Variants in PLPP5 observed in about 807,000 individuals in gnomAD.
The protein encoded by PLPP5 is diacylglycerol pyrophosphate like 1.
A neutral mutation model predicts 23.6 loss-of-function variants in PLPP5; 29 were observed. The ratio of observed to expected loss-of-function variants is 1.23; its 90% CI spans 0.92 to 1.68. The LOEUF is 1.68. PLPP5 is among the 40% of genes most tolerant of loss of function. The pLI, the probability that PLPP5 is intolerant of heterozygous loss-of-function variation, is 0.00. For missense variants in PLPP5, 315 were observed against 332.1 expected (o/e 0.95, Z 0.40); for synonymous variants, 143 against 131.3 (o/e 1.09, Z -0.61).
chr8:38,269,100 C>G (rs1277226314), intron 1 of PLPP5, 26 bp downstream of exon 1: 2 of 1,525,778 alleles, frequency 1.3e-6, no homozygotes, highest in Non-Finnish European at 8.8e-7. Flanking sequence ...CGGGGCCGCC[C>G]GGGCCCGGCC....
At chr8:38,267,486 C>A in intron 4 of PLPP5, 95 bp from the exon 5 acceptor site, 1 of 1,443,006 alleles carries the variant, frequency 6.9e-7, no homozygotes, top group South Asian at 1.3e-5. Flanking sequence ...AACTATTGGT[C>A]AAATAGTGCC....
rs910525381 is a variant in PLPP5, at chr8:38,269,066, C to T, written c.74+60G>A. ...TTCCCCACTGCCCGACCCGCCGCCC[C>T]GTGCCGCCCGCCTGCCTGGGAAGCG... On this transcript the variant is annotated intron_variant, in intron 1 of 6. Transcript: ENST00000424479. 16 of 1,524,160 alleles carry T rather than the reference C, an allele frequency of 1.0e-5. No individual in the cohort carries two copies. The South Asian group carries it at 1.9e-4, about 18-fold the overall frequency. 94.4% of individuals were successfully genotyped at this position (1,524,160 alleles called of 1,614,324 possible). A position where few individuals can be genotyped will look rare whatever the true frequency, so the allele number is the denominator to read the frequency against.
At chr8:38,268,007 G>C (rs1232215347) in intron 3 of PLPP5, 47 bp from the exon 4 acceptor site, 16 of 1,613,746 alleles carry the variant, frequency 9.9e-6, no homozygotes, top group Non-Finnish European at 1.4e-5. Flanking sequence ...AGGAGGAAAG[G>C]TATGGTCATG....
chr8:38,267,552 T>TACTG, intron 4 of PLPP5, 161 bp from the exon 5 acceptor site: 1 of 845,500 alleles, frequency 1.2e-6, no homozygotes, highest in South Asian at 1.9e-5. Context: ...AGAAAAGCCT[T>TACTG]TCAAGGTGAG....
At chr8:38,267,549 C>CCTAA in intron 4 of PLPP5, 158 bp from the exon 5 acceptor site, 1 of 838,812 alleles carries the variant, frequency 1.2e-6, no homozygotes, top group Non-Finnish European at 1.8e-6. Flanking sequence ...AAGAGAAAAG[C>CCTAA]CTTTCAAGGT....
Position 38,268,372 on chromosome 8 carries a change from C to T in PLPP5, c.273G>A (p.Leu91=), listed in dbSNP as rs1309459431. Residue 91 remains leucine (L), a splice_region_variant and synonymous_variant, in exon 3 of 7, where the codon CTG becomes CTA. Coordinates refer to ENST00000424479, the MANE Select transcript of PLPP5 (RefSeq NM_001102559.2). ...ADTRDSRQAC[L]AASLALALNG... Reference sequence around the variant, plus strand: ...CGGCCCGAAAGGGCTAGCGCTCACCCAGGCAGGCTTGTCTGCTGTCTCTTG... The same window carrying T: ...CGGCCCGAAAGGGCTAGCGCTCACCTAGGCAGGCTTGTCTGCTGTCTCTTG... 1.1e-5 allele frequency: 18 copies of T among 1,565,664 alleles called. No individual in the cohort carries two copies. Among genetic ancestry groups the T allele is most frequent in the African/African-American group, 1.4e-5 (1 of 73,734 alleles).
At chr8:38,265,264 C>CA (rs1228103198) in intron 6 of PLPP5, among the ~76,000 whole-genome samples, 23,664 of 70,640 alleles carry the variant, frequency 0.33, 3,186 homozygotes, top group East Asian at 0.41. Flanking sequence ...GACTCTGTCT[C>CA]AAAAAAAAAA....
At chr8:38,265,947 A>C (rs1358081224) in intron 6 of PLPP5, among the ~76,000 whole-genome samples, 194 bp downstream of exon 6, 1 of 152,244 alleles carries the variant, frequency 6.6e-6, no homozygotes, top group African/African-American at 2.4e-5. Flanking sequence ...AAAAATTAGG[A>C]TGTTTATCTT....
rs924717889 is a variant in PLPP5 at position 38,269,052 on chromosome 8, C to T, written c.75-62G>A. 9 of 1,526,934 alleles carry T rather than the reference C, an allele frequency of 5.9e-6. No homozygotes were observed. The African/African-American group carries it at 7.1e-5, about 12-fold the overall frequency. 94.6% of individuals were successfully genotyped at this position (1,526,934 alleles called of 1,614,324 possible). A position where few individuals can be genotyped will look rare whatever the true frequency, so the allele number is the denominator to read the frequency against. Reference sequence around the variant, plus strand: ...GGCTTCCTCCCCGCTTCCCCACTGCCCGACCCGCCGCCCCGTGCCGCCCGC... The same window carrying T: ...GGCTTCCTCCCCGCTTCCCCACTGCTCGACCCGCCGCCCCGTGCCGCCCGC... On this transcript the variant is annotated intron_variant, in intron 1 of 6. Transcript: ENST00000424479.
rs1464070040 is a variant in PLPP5 at position 38,269,183 on chromosome 8, G to A, written c.17C>T (p.Ala6Val). The A allele has an allele frequency of 4.7e-6, 7 of 1,503,134 alleles. No homozygotes were observed. Among genetic ancestry groups the A allele is most frequent in the African/African-American group, 1.5e-5 (1 of 68,964 alleles). The allele number at this position is 1,503,134 out of a possible 1,614,324, so 93.1% of individuals were successfully genotyped here. A position where few individuals can be genotyped will look rare whatever the true frequency, so the allele number is the denominator to read the frequency against. Residue 6 changes from alanine to valine, a missense_variant, in exon 1 of 7, where the codon GCG becomes GTG. By Grantham distance (64) the Ala-to-Val change is moderately conservative. Coordinates refer to ENST00000424479, the MANE Select transcript of PLPP5 (RefSeq NM_001102559.2). MGKAA[A>V]AVAFGAEVGV... is the part of the protein sequence containing the mutation. ...CACTTCGGCCCCAAAGGCCACCGCC[G>A]CCGCCGCCTTCCCCATCCGGCCGCG... is the stretch of plus-strand genomic sequence containing the variant.
chr8:38,267,160 A>G (rs758102709), intron 5 of PLPP5, 107 bp downstream of exon 5: 2 of 1,593,112 alleles, frequency 1.3e-6, no homozygotes. Context: ...GGATTTTCCA[A>G]ATTGTAGAAA....
Position 38,265,698 on chromosome 8 carries a change from G to A in PLPP5, c.634+443C>T, listed in dbSNP as rs1278691329. Reference sequence around the variant, plus strand: ...CTGCCTCAGCCTCCCAAAGTGCTGAGGTGTGAGCCACCGCGCCAAGCCAGG... The same window carrying A: ...CTGCCTCAGCCTCCCAAAGTGCTGAAGTGTGAGCCACCGCGCCAAGCCAGG... On this transcript the variant is annotated intron_variant, in intron 6 of 6. Coordinates refer to ENST00000424479, the MANE Select transcript of PLPP5 (RefSeq NM_001102559.2). 2.0e-5 allele frequency: 3 copies of A among 153,046 alleles called. No individual in the cohort carries two copies. In the East Asian group the frequency reaches 5.8e-4, roughly 29 times the overall value. The allele number at this position is 153,046 out of a possible 1,614,324, so 9.5% of individuals were successfully genotyped here.
chr8:38,264,718 A>T, intron 6 of PLPP5, 114 bp from the exon 7 acceptor site: 1 of 1,436,186 alleles, frequency 7.0e-7, no homozygotes, highest in East Asian at 2.5e-5. Context: ...GGCTAAAATA[A>T]CCTCAATTCC....
rs1184065914 is a variant in PLPP5 at position 38,263,856 on chromosome 8, T to C, written c.*588A>G. ...TTCTAAGAATGGCATTTAAATTAAA[T>C]GTAAAAACACTGTAGATCTTCAGAT... On this transcript the variant is annotated 3_prime_UTR_variant, in exon 7 of 7. Coordinates refer to ENST00000424479, the MANE Select transcript of PLPP5 (RefSeq NM_001102559.2). The C allele has an allele frequency of 6.1e-6, 6 of 985,236 alleles. No individual in the cohort carries two copies. Among genetic ancestry groups the C allele is most frequent in the African/African-American group, 1.7e-5 (1 of 57,240 alleles). 61.0% of individuals were successfully genotyped at this position (985,236 alleles called of 1,614,324 possible). A position where few individuals can be genotyped will look rare whatever the true frequency, so the allele number is the denominator to read the frequency against.
intron 4 of PLPP5, 102 bp downstream of exon 4, chr8:38,267,795 G>T: frequency 8.4e-7 from 1 of 1,191,054 alleles, no homozygotes. Context: ...GAAGATAAAG[G>T]AGAAAAGAAT....
intron 2 of PLPP5, 103 bp from the exon 3 acceptor site, chr8:38,268,564 A>G: frequency 6.7e-7 from 1 of 1,500,134 alleles, no homozygotes. Context: ...TGGAGCTAAC[A>G]TAAGGTCTCT....
chr8:38,264,477 C>T lies in PLPP5; in HGVS notation c.762G>A (p.Gln254=). The T allele has an allele frequency of 6.4e-7, 1 of 1,552,028 alleles. No individual in the cohort carries two copies. The highest frequency in any genetic ancestry group is 1.2e-5 in the South Asian group (1 of 84,020). ...CAAAACAATAAGAATCCCCAGGCTT[C>T]TGTGCAGTGGAAAGTACAAGTTTGT... ...FQDKLVLSTA[Q]KPGDSYCFDI is the part of the protein sequence containing the mutation. The change falls in exon 7 of 7, where the codon CAG becomes CAA. Residue 254 remains glutamine, a synonymous_variant. Transcript: ENST00000424479.
At chr8:38,264,659 A>G in intron 6 of PLPP5, 55 bp from the exon 7 acceptor site, 1 of 1,507,396 alleles carries the variant, frequency 6.6e-7, no homozygotes, top group Non-Finnish European at 8.9e-7. Context: ...AAATCCTATT[A>G]CATACACATA....
intron 4 of PLPP5, 25 bp downstream of exon 4, chr8:38,267,872 G>C: frequency 6.2e-7 from 1 of 1,610,552 alleles, no homozygotes; most frequent in Non-Finnish European, 8.5e-7. Flanking sequence ...GGCAGATGCT[G>C]GGGTGGTTAG....
Sources: allele counts gnomAD v4.1 joint callset (sites outside exome capture counted in the v4.1 genomes callset), GRCh38; gene constraint gnomAD v4.1.1; transcripts MANE v1.5; gene names NCBI Gene and HGNC (gene_info 2026-07-23, HGNC 2026-07-21).